The following B3GAT1 variants were observed in gnomAD, a reference collection of about 807,000 sequenced individuals.
The protein encoded by B3GAT1 is beta-1,3-glucuronyltransferase 1.
In B3GAT1, 11 loss-of-function variants were observed where a neutral mutation model predicts 28.4. The ratio of observed to expected loss-of-function variants is 0.39; its 90% CI spans 0.24 to 0.64. B3GAT1 has a LOEUF of 0.64. Among genes scored for constraint, B3GAT1 ranks in the 30% least tolerant of loss-of-function variants. B3GAT1 has a pLI of 0.50. For missense variants in B3GAT1, 375 were observed against 491.0 expected, an observed-to-expected ratio of 0.76 and a Z score of 2.23; for synonymous variants, 255 against 223.1, an observed-to-expected ratio of 1.14 and a Z score of -1.27.
intron 1 of B3GAT1, among the ~76,000 whole-genome samples, chr11:134,396,649 C>G (rs1348181249): frequency 6.6e-6 from 1 of 152,194 alleles, no homozygotes; most frequent in Non-Finnish European, 1.5e-5. Flanking sequence ...GGCAAACCGT[C>G]TGCCACATAG....
intron 1 of B3GAT1, among the ~76,000 whole-genome samples, chr11:134,404,716 C>A (rs543944290): frequency 6.6e-6 from 1 of 152,224 alleles, no homozygotes. Context: ...AGCCTGCAAC[C>A]GCCTCGCTGT....
intron 1 of B3GAT1, among the ~76,000 whole-genome samples, chr11:134,408,290 G>A (rs1466337726): frequency 1.8e-5 from 2 of 111,004 alleles, no homozygotes; most frequent in African/African-American, 8.3e-5. Context: ...GGGGTGAGGA[G>A]GGAGGTGGGA....
At chr11:134,388,060 C>T (rs1186789662) in intron 1 of B3GAT1, 120 bp from the exon 2 acceptor site, 4 of 402,868 alleles carry the variant, frequency 9.9e-6, no homozygotes, top group Non-Finnish European at 2.0e-5. Flanking sequence ...CCTCAACTGT[C>T]CATCACCTGA....
At chr11:134,396,719 A>G (rs1591644542) in intron 1 of B3GAT1, among the ~76,000 whole-genome samples, 1 of 152,166 alleles carries the variant, frequency 6.6e-6, no homozygotes, top group South Asian at 2.1e-4. Flanking sequence ...AGGGCCAGGA[A>G]ACGGGTCTGC....
chr11:134,386,565 G>A (rs1944292523), intron 2 of B3GAT1: 1 of 152,108 alleles, frequency 6.6e-6, no homozygotes, highest in South Asian at 2.1e-4. Flanking sequence ...GTTCTTCACG[G>A]GACTTTTCCT....
chr11:134,383,050 G>A lies in B3GAT1; in HGVS notation c.622-44C>T, dbSNP rs890782473. 5 of 1,492,400 alleles carry A rather than the reference G, an allele frequency of 3.4e-6. No homozygotes were observed. In the African/African-American group the frequency reaches 4.2e-5, roughly 12 times the overall value. 92.4% of individuals were successfully genotyped at this position (1,492,400 alleles called of 1,614,324 possible). ...GAGTCAGGGCGCCGGCACTGCAGAT[G>A]AGGACGGCCGCGCGTGCCCAAGGGA... On this transcript the variant is annotated intron_variant, in intron 3 of 5. Transcript: ENST00000312527.
rs1440331922 is a variant in B3GAT1 at position 134,379,532 on chromosome 11, C to T, written c.*1230G>A. The T allele has an allele frequency of 6.6e-6, 1 of 152,482 alleles. No homozygotes were observed. Among genetic ancestry groups the T allele is most frequent in the African/African-American group, 2.4e-5 (1 of 41,458 alleles). 9.4% of individuals were successfully genotyped at this position (152,482 alleles called of 1,614,324 possible). A position where few individuals can be genotyped will look rare whatever the true frequency, so the allele number is the denominator to read the frequency against. ...CCAGGATGGAAAGTGGACAGCTGGA[C>T]ATGAGGTGGGCTAGCTCTGCATGCT... is the stretch of plus-strand genomic sequence containing the variant. On this transcript the variant is annotated 3_prime_UTR_variant, in exon 6 of 6. Transcript: ENST00000312527.
At chr11:134,396,124 G>A (rs1944500744) in intron 1 of B3GAT1, among the ~76,000 whole-genome samples, 1 of 152,236 alleles carries the variant, frequency 6.6e-6, no homozygotes, top group Non-Finnish European at 1.5e-5. Flanking sequence ...GAATCTTACA[G>A]AGCACAGTGT....
At chr11:134,402,243 A>C (rs1017902328) in intron 1 of B3GAT1, among the ~76,000 whole-genome samples, 4 of 152,224 alleles carry the variant, frequency 2.6e-5, no homozygotes, top group South Asian at 2.1e-4. Flanking sequence ...GGTATGCCCC[A>C]GTGTGCGGTT....
At position 134,379,374 on chromosome 11, in the gene B3GAT1, T is replaced by C. The variant is rs1432924829; in HGVS notation, c.*1388A>G. Reference sequence around the variant, plus strand: ...CCTTTTCCTCCACTTGGGGGGAAAATTGTGCTTCCAACTTGCAGGAGAATG... The same window carrying C: ...CCTTTTCCTCCACTTGGGGGGAAAACTGTGCTTCCAACTTGCAGGAGAATG... On this transcript the variant is annotated 3_prime_UTR_variant, in exon 6 of 6. Transcript: ENST00000312527. 6.6e-6 allele frequency: 1 copy of C among 152,332 alleles called. No homozygotes were observed. Among genetic ancestry groups the C allele is most frequent in the Non-Finnish European group, 1.5e-5 (1 of 67,998 alleles). The allele number at this position is 152,332 out of a possible 1,614,324, so 9.4% of individuals were successfully genotyped here.
Position 134,411,670 on chromosome 11 carries a change from G to GCGCACACA in B3GAT1, c.-282+136_-282+137insTGTGTGCG, listed in dbSNP as rs1466472937. On this transcript the variant is annotated intron_variant, in intron 1 of 5. Transcript: ENST00000312527. This position sits in a 1 kb window ranked among gnomAD's most constrained non-coding sequence, Gnocchi z 6.0. ...TCCAGCTGCCCCCAGCGCGCGCAGCGCACACACACACACACACACACACAC... is the reference window on the plus strand; with the variant it reads ...TCCAGCTGCCCCCAGCGCGCGCAGCGCGCACACACACACACACACACACACACACACAC... 1.0e-4 allele frequency: 15 copies of GCGCACACA among 144,640 alleles called. No homozygotes were observed. Among genetic ancestry groups the GCGCACACA allele is most frequent in the African/African-American group, 3.8e-4 (15 of 39,582 alleles). The allele number at this position is 144,640 out of a possible 1,614,324, so 9.0% of individuals were successfully genotyped here.
At chr11:134,400,989 A>G (rs904630175) in intron 1 of B3GAT1, among the ~76,000 whole-genome samples, 1 of 152,244 alleles carries the variant, frequency 6.6e-6, no homozygotes, top group African/African-American at 2.4e-5. Flanking sequence ...ACAAATATGA[A>G]AAAATGCTCA....
intron 1 of B3GAT1, among the ~76,000 whole-genome samples, chr11:134,403,979 TTCTTTATATATATATATATA>T (rs1231156011): frequency 4.2e-4 from 41 of 96,978 alleles, no homozygotes; most frequent in African/African-American, 1.6e-3. Context: ...CAGAGTTTCT[TTCTTTATATATATATATATA>T]TATATATATA....
In B3GAT1 at chr11:134,382,761, T is replaced by A; in HGVS notation, c.867A>T (p.Arg289=). ...KGGYQESSLL[R]ELVTLNDLEP... ...CCAGGTCGTTGAGGGTGACAAGTTC[T>A]CGAAGGAGGCTGCTTTCCTGGTAGC... is the stretch of plus-strand genomic sequence containing the variant. Residue 289 remains arginine, a synonymous_variant, in exon 4 of 6, where the codon CGA becomes CGT. Coordinates refer to ENST00000312527, the MANE Select transcript of B3GAT1 (RefSeq NM_054025.3). The A allele has an allele frequency of 6.2e-7, 1 of 1,614,178 alleles. No homozygotes were observed. Among genetic ancestry groups the A allele is most frequent in the Non-Finnish European group, 8.5e-7 (1 of 1,180,016 alleles).
intron 2 of B3GAT1, chr11:134,385,043 G>C (rs546787766): frequency 6.6e-6 from 1 of 152,196 alleles, no homozygotes; most frequent in Non-Finnish European, 1.5e-5. Context: ...CACTTCTGCC[G>C]TTACGAACCC....
intron 1 of B3GAT1, among the ~76,000 whole-genome samples, chr11:134,395,291 A>C (rs908544899): frequency 6.6e-6 from 1 of 152,190 alleles, no homozygotes; most frequent in South Asian, 2.1e-4. Flanking sequence ...GCAGCTGGAG[A>C]GAAGGCTAGC....
intron 2 of B3GAT1, chr11:134,384,881 T>C (rs1944238541): frequency 6.6e-6 from 1 of 152,182 alleles, no homozygotes. Context: ...ATCAGGGCCA[T>C]TGGGATTCTT....
Position 134,384,165 on chromosome 11 carries a change from C to G in B3GAT1, c.136G>C (p.Glu46Gln). Residue 46 changes from glutamate (E) to glutamine (Q), a missense_variant, in exon 3 of 6, where the codon GAA becomes CAA. Physicochemically the swap from Glu to Gln is conservative, Grantham distance 29. Coordinates refer to ENST00000312527, the MANE Select transcript of B3GAT1 (RefSeq NM_054025.3). Reference protein sequence around the residue: ...HKDEGSDPRRETPPGADPREY... With the variant: ...HKDEGSDPRRQTPPGADPREY... Reference sequence around the variant, plus strand: ...CTGGGGTCGGCGCCGGGCGGCGTTTCGCGTCGGGGGTCACTGCCCTCATCT... The same window carrying G: ...CTGGGGTCGGCGCCGGGCGGCGTTTGGCGTCGGGGGTCACTGCCCTCATCT... The G allele has an allele frequency of 6.5e-7, 1 of 1,549,506 alleles. No homozygotes were observed. The highest frequency in any genetic ancestry group is 1.3e-5 in the African/African-American group (1 of 74,336).
At chr11:134,404,274 G>C (rs1944686853) in intron 1 of B3GAT1, among the ~76,000 whole-genome samples, 1 of 150,618 alleles carries the variant, frequency 6.6e-6, no homozygotes, top group Non-Finnish European at 1.5e-5. Context: ...TGCGGTGTTT[G>C]GTTTTTTGTC....
Sources: allele counts gnomAD v4.1 joint callset (sites outside exome capture counted in the v4.1 genomes callset), GRCh38; gene constraint gnomAD v4.1.1; non-coding constraint Gnocchi (gnomAD v3.1); transcripts MANE v1.5; gene names NCBI Gene and HGNC (gene_info 2026-07-23, HGNC 2026-07-21).